TTC27: variants seen among roughly 807,000 people sequenced by gnomAD.
The protein encoded by TTC27 is tetratricopeptide repeat domain 27.
Under a neutral mutation model 115.9 loss-of-function variants are expected in TTC27, and 79 were observed. The observed-to-expected ratio is 0.68, with a 90% CI of 0.57 to 0.82. TTC27 has a LOEUF of 0.82. Among genes scored for constraint, TTC27 ranks in the 40% least tolerant of loss-of-function variants. TTC27 has a pLI of 0.00. For missense variants in TTC27, 1,054 were observed against 993.1 expected (o/e 1.06, Z -0.82); for synonymous variants, 401 against 356.0 (o/e 1.13, Z -1.42).
chr2:32,785,145 A>C (rs1273582790), intron 15 of TTC27, among the ~76,000 whole-genome samples: 2 of 152,200 alleles, frequency 1.3e-5, no homozygotes, highest in South Asian at 4.1e-4. Flanking sequence ...TTCACTCAGC[A>C]CTTTAAAAGT....
intron 13 of TTC27, chr2:32,766,696 GAC>G (rs1405172842): frequency 3.1e-5 from 5 of 160,412 alleles, no homozygotes; most frequent in African/African-American, 1.2e-4. Context: ...ACCAAAATGT[GAC>G]AGAGACACGA....
chr2:32,662,954 C>T (rs1429558738), intron 5 of TTC27, among the ~76,000 whole-genome samples: 1 of 152,130 alleles, frequency 6.6e-6, no homozygotes, highest in East Asian at 1.9e-4. Flanking sequence ...TTAGCTGTGT[C>T]CAGAGATTCT....
At chr2:32,706,077 CTTTTT>C (rs148953090) in intron 10 of TTC27, among the ~76,000 whole-genome samples, 1 of 53,232 alleles carries the variant, frequency 1.9e-5, no homozygotes, top group Non-Finnish European at 3.2e-5. Context: ...TTACCTTACT[CTTTTT>C]TTTTTTTTTT....
chr2:32,761,731 C>A (rs1269750864), intron 13 of TTC27, among the ~76,000 whole-genome samples: 1 of 152,158 alleles, frequency 6.6e-6, no homozygotes, highest in East Asian at 1.9e-4. Context: ...AATCATACCC[C>A]TACCTTATAC....
intron 3 of TTC27, among the ~76,000 whole-genome samples, chr2:32,635,013 A>C (rs1664360187): frequency 6.6e-6 from 1 of 152,134 alleles, no homozygotes; most frequent in African/African-American, 2.4e-5. Flanking sequence ...GTTTGCTCCC[A>C]GGGGTGGCTT....
chr2:32,796,133 CA>C (rs2148031268), intron 16 of TTC27, among the ~76,000 whole-genome samples: 1 of 152,136 alleles, frequency 6.6e-6, no homozygotes, highest in East Asian at 1.9e-4. Context: ...AGTCAGCACA[CA>C]AAAATCAGCT....
At position 32,679,198 on chromosome 2, in the gene TTC27, A is replaced by G. The variant is rs184011293; in HGVS notation, c.1119+276A>G. Among the ~76,000 whole-genome samples, 7 of 152,358 alleles carry G rather than the reference A, an allele frequency of 4.6e-5. No homozygotes were observed. The East Asian group carries it at 1.3e-3, about 29-fold the overall frequency. ...CATGGGTTAAAAAGATGTCAAGAGC[A>G]TGGTGTGCTCATCAGTGTTCAACAG... On this transcript the variant is annotated intron_variant, in intron 9 of 19. Coordinates refer to ENST00000317907, the MANE Select transcript of TTC27 (RefSeq NM_017735.5).
At chr2:32,705,575 G>GGGTCT (rs1416162509) in intron 10 of TTC27, among the ~76,000 whole-genome samples, 2 of 152,104 alleles carry the variant, frequency 1.3e-5, no homozygotes, top group Non-Finnish European at 2.9e-5. Context: ...CTTAGAGACA[G>GGGTCT]GGTCTTGCTC....
rs752171742 is a variant in TTC27 at position 32,702,771 on chromosome 2, T to G, written c.1120-36T>G. On this transcript the variant is annotated intron_variant, in intron 9 of 19. Transcript: ENST00000317907. Reference sequence around the variant, plus strand: ...TCAGAATGAGATCACCTAGCTTATCTCTTTTCTATGATTTTTTTCTTCCCG... The same window carrying G: ...TCAGAATGAGATCACCTAGCTTATCGCTTTTCTATGATTTTTTTCTTCCCG... 22 of 1,400,730 alleles carry G rather than the reference T, an allele frequency of 1.6e-5. No individual in the cohort carries two copies. The South Asian group carries it at 2.4e-4, about 16-fold the overall frequency. 86.8% of individuals were successfully genotyped at this position (1,400,730 alleles called of 1,614,324 possible). A position where few individuals can be genotyped will look rare whatever the true frequency, so the allele number is the denominator to read the frequency against.
chr2:32,678,025 G>A lies in TTC27; in HGVS notation c.1053-831G>A, dbSNP rs958546608. On this transcript the variant is annotated intron_variant, in intron 8 of 19. Coordinates refer to ENST00000317907, the MANE Select transcript of TTC27 (RefSeq NM_017735.5). Reference sequence around the variant, plus strand: ...TAATCCAAACACATTGGGAATCTGCGGTGGGCAATCACTTGAGCCCAGGAG... The same window carrying A: ...TAATCCAAACACATTGGGAATCTGCAGTGGGCAATCACTTGAGCCCAGGAG... 2.6e-5 allele frequency among the ~76,000 whole-genome samples: 4 copies of A among 152,102 alleles called. No individual in the cohort carries two copies. In the East Asian group the frequency reaches 5.8e-4, roughly 22 times the overall value.
chr2:32,648,765 C>T (rs1010045795), intron 4 of TTC27, among the ~76,000 whole-genome samples: 8 of 152,094 alleles, frequency 5.3e-5, no homozygotes, highest in African/African-American at 1.4e-4. Context: ...AATCCCAGCA[C>T]TTTGGGAGGC....
intron 5 of TTC27, among the ~76,000 whole-genome samples, chr2:32,653,315 G>A (rs1665198555): frequency 6.6e-6 from 1 of 152,012 alleles, no homozygotes; most frequent in Non-Finnish European, 1.5e-5. Flanking sequence ...CAAAAAAACA[G>A]TCTCCACGGT....
At chr2:32,808,096 C>G (rs1671196371) in intron 16 of TTC27, among the ~76,000 whole-genome samples, 1 of 151,950 alleles carries the variant, frequency 6.6e-6, no homozygotes, top group Non-Finnish European at 1.5e-5. Context: ...CCACACCCTG[C>G]TAATTTTTTT....
intron 12 of TTC27, among the ~76,000 whole-genome samples, chr2:32,746,155 G>A (rs1010616936): frequency 3.9e-5 from 6 of 152,148 alleles, no homozygotes; most frequent in Admixed American, 1.3e-4. Flanking sequence ...TCTTGCAAGC[G>A]CTGCAGGTTC....
intron 5 of TTC27, 104 bp from the exon 6 acceptor site, chr2:32,664,199 A>T: frequency 3.0e-6 from 3 of 993,764 alleles, no homozygotes; most frequent in Non-Finnish European, 4.3e-6. Context: ...ATTTAACAAC[A>T]GAGACTATGT....
chr2:32,778,502 A>G (rs1354808845), intron 14 of TTC27, among the ~76,000 whole-genome samples: 2 of 152,144 alleles, frequency 1.3e-5, no homozygotes, highest in Admixed American at 6.5e-5. Context: ...TTTCTCTCCA[A>G]ACATCCTCCC....
intron 18 of TTC27, among the ~76,000 whole-genome samples, chr2:32,814,200 C>T (rs1258394821): frequency 6.6e-6 from 1 of 152,158 alleles, no homozygotes; most frequent in Non-Finnish European, 1.5e-5. Flanking sequence ...GGTATTAAAC[C>T]TGTCAAAGAG....
intron 8 of TTC27, among the ~76,000 whole-genome samples, chr2:32,675,891 A>C (rs1166375828): frequency 6.6e-6 from 1 of 151,910 alleles, no homozygotes; most frequent in African/African-American, 2.4e-5. Flanking sequence ...TCCCAGGTTC[A>C]AGCGATTTTC....
intron 16 of TTC27, among the ~76,000 whole-genome samples, chr2:32,791,419 T>C (rs1206168050): frequency 6.6e-6 from 1 of 152,258 alleles, no homozygotes; most frequent in East Asian, 1.9e-4. Flanking sequence ...GTGCTTACTA[T>C]GTTTCTGCCA....
Sources: gnomAD v4.1 joint callset for allele counts (sites outside exome capture counted in the v4.1 genomes callset) on GRCh38, gnomAD v4.1.1 for gene constraint, MANE v1.5 for transcripts, NCBI Gene and HGNC (gene_info 2026-07-23, HGNC 2026-07-21) for gene names.